The following IKBKE variants were observed in gnomAD, a reference collection of about 807,000 sequenced individuals.
The protein encoded by IKBKE is inhibitor of nuclear factor kappa-B kinase subunit epsilon.
IKBKE carries 45 observed loss-of-function variants against 92.1 expected under a neutral mutation model. The ratio of observed to expected loss-of-function variants is 0.49; its 90% CI spans 0.38 to 0.63. The LOEUF (loss-of-function observed/expected upper bound fraction) is 0.63. IKBKE is among the 20% of genes least tolerant of loss of function. The pLI is 0.00. For missense variants in IKBKE, 700 were observed against 932.8 expected (o/e 0.75, Z 3.25); for synonymous variants, 374 against 380.3 (o/e 0.98, Z 0.19).
intron 16 of IKBKE, among the ~76,000 whole-genome samples, chr1:206,488,737 C>G (rs908752557): frequency 2.6e-5 from 4 of 152,172 alleles, no homozygotes; most frequent in African/African-American, 9.7e-5. Context: ...GGCTTTATTG[C>G]CAAATTCTCT....
intron 13 of IKBKE, 106 bp downstream of exon 13, chr1:206,480,639 C>T (rs924976460): frequency 3.7e-6 from 3 of 809,966 alleles, no homozygotes; most frequent in Non-Finnish European, 6.2e-6. Context: ...GCCAGGGCTA[C>T]TGCCTTCCCT....
chr1:206,495,107 G>A (rs41299890), intron 21 of IKBKE, among the ~76,000 whole-genome samples: 6,205 of 151,698 alleles, frequency 0.041, 422 homozygotes, highest in African/African-American at 0.14. Context: ...GAAGGCCAGC[G>A]GCCCTGTTTA....
rs994045957 is a variant in IKBKE, at chr1:206,485,128, C to G, written c.1503+56C>G. ...AGGATCAGAGCTGGGGGCCCGTGTT[C>G]CAGCCAGCCTGCCCACCAGTGCCCA... On this transcript the variant is annotated intron_variant, in intron 14 of 21. Transcript: ENST00000581977. This position sits in a 1 kb window ranked among gnomAD's most constrained non-coding sequence, Gnocchi z 5.0. 1.9e-6 allele frequency: 3 copies of G among 1,590,038 alleles called. No individual in the cohort carries two copies. The highest frequency in any genetic ancestry group is 2.6e-6 in the Non-Finnish European group (3 of 1,158,224).
rs782751880 is a variant in IKBKE, at chr1:206,479,925, C to T, written c.1239C>T (p.Asn413=). ...AAGTGGACCTGCAGGCGGATTACAA[C>T]ACTGCCAAGGTGAGGGGCAACCCCC... The part of the protein sequence containing the change: ...VPKVDLQADY[N]TAKGVLGAGY... The change falls in exon 11 of 22, where the codon AAC becomes AAT. Residue 413 remains asparagine (N), a synonymous_variant. Coordinates refer to ENST00000581977, the MANE Select transcript of IKBKE (RefSeq NM_014002.4). The T allele has an allele frequency of 6.2e-7, 1 of 1,613,856 alleles. No homozygotes were observed. The highest frequency in any genetic ancestry group is 2.2e-5 in the East Asian group (1 of 44,806).
chr1:206,491,790 C>G (rs1314232109), intron 18 of IKBKE, 41 bp downstream of exon 18: 3 of 1,479,294 alleles, frequency 2.0e-6, no homozygotes, highest in African/African-American at 2.8e-5. Context: ...AGGGCCTGGC[C>G]TGGCCCTTCT....
chr1:206,481,558 C>A (rs1334707775), intron 13 of IKBKE, among the ~76,000 whole-genome samples: 8 of 152,150 alleles, frequency 5.3e-5, no homozygotes, highest in Admixed American at 5.2e-4. Context: ...GTCAGCAGAA[C>A]TGCAAGTGAA....
chr1:206,486,633 T>C (rs1461997807), intron 15 of IKBKE, among the ~76,000 whole-genome samples: 3 of 149,998 alleles, frequency 2.0e-5, no homozygotes, highest in Admixed American at 6.6e-5. Flanking sequence ...CGAGGCCCCA[T>C]CCTTTTGGAT....
intron 18 of IKBKE, chr1:206,492,412 T>A (rs781953160): frequency 2.1e-6 from 1 of 470,590 alleles, no homozygotes; most frequent in South Asian, 1.6e-5. Flanking sequence ...GGCTGAGACC[T>A]TGGCACTCAC....
At position 206,476,307 on chromosome 1, in the gene IKBKE, G is replaced by C. The variant is rs782109082; in HGVS notation, c.485G>C (p.Arg162Pro). The C allele has an allele frequency of 6.2e-7, 1 of 1,613,882 alleles. No individual in the cohort carries two copies. Among genetic ancestry groups the C allele is most frequent in the Non-Finnish European group, 8.5e-7 (1 of 1,179,928 alleles). Residue 162 changes from arginine (R) to proline (P), a missense_variant, in exon 6 of 22, where the codon CGG (arginine) becomes CCG (proline). Arg to Pro is a moderately radical substitution (Grantham distance 103). Coordinates refer to ENST00000581977, the MANE Select transcript of IKBKE (RefSeq NM_014002.4). This position sits in a 1 kb window ranked among gnomAD's most constrained non-coding sequence, Gnocchi z 5.1. Reference sequence around the variant, plus strand: ...AAGCTGACAGACTTCGGCGCTGCCCGGGAGCTGGATGATGATGAGAAGTTC... The same window carrying C: ...AAGCTGACAGACTTCGGCGCTGCCCCGGAGCTGGATGATGATGAGAAGTTC... The part of the protein sequence containing the change: ...IYKLTDFGAA[R>P]ELDDDEKFVS...
rs1553385296 is a variant in IKBKE at position 206,476,286 on chromosome 1, T to C, written c.464T>C (p.Leu155Pro). The change falls in exon 6 of 22, where the codon CTG (leucine) becomes CCG (proline). Residue 155 changes from leucine to proline, a missense_variant. Transcript: ENST00000581977. This position sits in a 1 kb window ranked among gnomAD's most constrained non-coding sequence, Gnocchi z 5.1. ...GAGGAGGGGCAGAGCATCTACAAGC[T>C]GACAGACTTCGGCGCTGCCCGGGAG... ...VGEEGQSIYK[L>P]TDFGAARELD... The C allele has an allele frequency of 6.2e-7, 1 of 1,613,940 alleles. No homozygotes were observed.
At chr1:206,474,660 AATCAGTACCT>A (rs1664961099) in intron 4 of IKBKE, 189 bp downstream of exon 4, 3 of 782,730 alleles carry the variant, frequency 3.8e-6, no homozygotes, top group Non-Finnish European at 6.0e-6. Flanking sequence ...CGATGGACAG[AATCAGTACCT>A]AAGCAGAGGG....
rs1224266319 is a variant in IKBKE, at chr1:206,485,550, C to T, written c.1616+244C>T. Among the ~76,000 whole-genome samples the T allele has an allele frequency of 2.0e-5, 3 of 152,126 alleles. No homozygotes were observed. Among genetic ancestry groups the T allele is most frequent in the East Asian group, 3.8e-4 (2 of 5,196 alleles). ...CCATCTTGGAGTTTGAGGAATGCCT[C>T]GGGAATCTTAGCAGGTGCTATAATT... is the stretch of plus-strand genomic sequence containing the variant. On this transcript the variant is annotated intron_variant, in intron 15 of 21. Transcript: ENST00000581977. The surrounding 1 kb of genome is among the most constrained non-coding windows in gnomAD (Gnocchi z 5.0).
At position 206,480,121 on chromosome 1, in the gene IKBKE, A is replaced by G. The variant is rs781936060; in HGVS notation, c.1340+8A>G. On this transcript the variant is annotated splice_region_variant and intron_variant, in intron 12 of 21. Coordinates refer to ENST00000581977, the MANE Select transcript of IKBKE (RefSeq NM_014002.4). The stretch of plus-strand genomic sequence containing the variant: ...GGGGCTGCACTGGGTCATGTGAGTA[A>G]TCATGAGGGCTGGGCACAGAGGGGG... The G allele has an allele frequency of 4.0e-6, 6 of 1,513,506 alleles. No homozygotes were observed. The highest frequency in any genetic ancestry group is 2.2e-5 in the Admixed American group (1 of 46,108). The allele number at this position is 1,513,506 out of a possible 1,614,324, so 93.8% of individuals were successfully genotyped here.
chr1:206,482,791 C>T (rs1362956519), intron 13 of IKBKE, among the ~76,000 whole-genome samples: 1 of 152,232 alleles, frequency 6.6e-6, no homozygotes, highest in African/African-American at 2.4e-5. Context: ...TGTTGCAAGC[C>T]CATTCTTGCC....
intron 17 of IKBKE, chr1:206,491,154 T>C: frequency 2.0e-6 from 1 of 495,130 alleles, no homozygotes; most frequent in Non-Finnish European, 3.7e-6. Flanking sequence ...TACCACTTCC[T>C]GCTTCTGCCC....
intron 18 of IKBKE, 48 bp from the exon 19 acceptor site, chr1:206,492,975 A>C: frequency 6.7e-7 from 1 of 1,494,412 alleles, no homozygotes; most frequent in Non-Finnish European, 9.1e-7. Context: ...GCCCTGGGGA[A>C]TGGGCTGAGT....
At position 206,476,883 on chromosome 1, in the gene IKBKE, C is replaced by G. The variant is rs1251896808; in HGVS notation, c.701+45C>G. 6.2e-7 allele frequency: 1 copy of G among 1,602,808 alleles called. No homozygotes were observed. On this transcript the variant is annotated intron_variant, in intron 7 of 21. Coordinates refer to ENST00000581977, the MANE Select transcript of IKBKE (RefSeq NM_014002.4). This position sits in a 1 kb window ranked among gnomAD's most constrained non-coding sequence, Gnocchi z 5.1. ...AGGGAATGGGGCGGACTGGCAGTCC[C>G]CTGGCCCTTCCCCCACCGGTCCTTG... is the stretch of plus-strand genomic sequence containing the variant.
At position 206,473,333 on chromosome 1, in the gene IKBKE, C is replaced by G. The variant is rs782662983; in HGVS notation, c.87+19C>G. 44 of 1,586,924 alleles carry G rather than the reference C, an allele frequency of 2.8e-5. No homozygotes were observed. The highest frequency in any genetic ancestry group is 3.5e-5 in the Non-Finnish European group (41 of 1,161,096). ...CAACAAGGTAGGAAGCAACCCTGGC[C>G]AGGCCCTGTCCAGCCCAGCCTTGGC... On this transcript the variant is annotated intron_variant, in intron 3 of 21. Transcript: ENST00000581977.
chr1:206,475,737 C>CAAAAAAAAAAAA (rs535787711), intron 5 of IKBKE, among the ~76,000 whole-genome samples: 5 of 92,730 alleles, frequency 5.4e-5, no homozygotes, highest in African/African-American at 1.3e-4. Context: ...ACTCTGTCTC[C>CAAAAAAAAAAAA]AAAAAAAAAA....
Sources: allele counts gnomAD v4.1 joint callset (sites outside exome capture counted in the v4.1 genomes callset), GRCh38; gene constraint gnomAD v4.1.1; non-coding constraint Gnocchi (gnomAD v3.1); transcripts MANE v1.5; gene names NCBI Gene and HGNC (gene_info 2026-07-23, HGNC 2026-07-21).